NTRK1: variants seen among roughly 807,000 people sequenced by gnomAD.
The protein encoded by NTRK1 is high affinity nerve growth factor receptor.
Under a neutral mutation model 86.8 loss-of-function variants are expected in NTRK1, and 62 were observed. The ratio of observed to expected loss-of-function variants is 0.71; its 90% CI spans 0.58 to 0.88. The LOEUF (loss-of-function observed/expected upper bound fraction) is 0.88. NTRK1 is among the 40% of genes least tolerant of loss of function. NTRK1 has a pLI of 0.00. For synonymous variants in NTRK1, 469 were observed against 456.6 expected, an observed-to-expected ratio of 1.03 and a Z score of -0.35; for missense variants, 967 against 1,078.4, an observed-to-expected ratio of 0.90 and a Z score of 1.45.
At position 156,841,945 on chromosome 1, in the gene NTRK1, C is replaced by T. The variant is rs988965088; in HGVS notation, c.-63-136C>T. On this transcript the variant is annotated intron_variant, in intron 1 of 16. Coordinates refer to the NTRK1 transcript ENST00000392302. ...GCTCAATGGACCTCAGAACTCATCC[C>T]ATCCAAACCCCTCTGCCCTTGGACA... 1.6e-5 allele frequency: 25 copies of T among 1,546,546 alleles called. No individual in the cohort carries two copies. The African/African-American group carries it at 3.4e-4, about 21-fold the overall frequency.
chr1:156,874,199 C>A (rs557207828), intron 8 of NTRK1, 184 bp from the exon 9 acceptor site: 1 of 1,009,892 alleles, frequency 9.9e-7, no homozygotes, highest in Non-Finnish European at 1.5e-6. Context: ...AGCAGGGCAT[C>A]CTGGCCCAGC....
rs1213394245 is a variant in NTRK1 at position 156,848,589 on chromosome 1, G to T, written c.50+6396G>T. On this transcript the variant is annotated intron_variant, in intron 2 of 16. Transcript: ENST00000392302. ...CAAATTAGTGGGCGCTCCCCAAACC[G>T]CTGCTGGGGCAGGAGCGTGTGGTCA... Among the ~76,000 whole-genome samples, 5 of 152,332 alleles carry T rather than the reference G, an allele frequency of 3.3e-5. No homozygotes were observed. The East Asian group carries it at 9.7e-4, about 29-fold the overall frequency.
At chr1:156,852,462 G>T (rs1340203377) in intron 2 of NTRK1, among the ~76,000 whole-genome samples, 2 of 152,206 alleles carry the variant, frequency 1.3e-5, no homozygotes, top group Non-Finnish European at 2.9e-5. Context: ...CATCAGGGTT[G>T]TTGCTCTCCA....
Position 156,852,859 on chromosome 1 carries a change from G to C in NTRK1, c.50+10666G>C, listed in dbSNP as rs557306194. ...CAACAGGGAGGCATCAGGGAGGTGG[G>C]GTGCAGCCGATACAGCAGGGATCTT... On this transcript the variant is annotated intron_variant, in intron 2 of 16. Transcript: ENST00000392302. 3.3e-5 allele frequency among the ~76,000 whole-genome samples: 5 copies of C among 152,252 alleles called. No homozygotes were observed. The South Asian group carries it at 8.3e-4, about 25-fold the overall frequency.
intron 7 of NTRK1, among the ~76,000 whole-genome samples, chr1:156,872,737 G>A (rs1167836627): frequency 9.4e-5 from 14 of 149,238 alleles, no homozygotes; most frequent in African/African-American, 3.5e-4. Flanking sequence ...GTGCAGTGGC[G>A]CGCTCTCGGC....
chr1:156,853,657 C>G, intron 2 of NTRK1: 11 of 1,220,224 alleles, frequency 9.0e-6, no homozygotes, highest in African/African-American at 1.5e-5. Flanking sequence ...ACAGTGGCAG[C>G]TGAAAGTACT....
At chr1:156,836,175 C>T (rs1654594538) in intron 1 of NTRK1, among the ~76,000 whole-genome samples, 1 of 152,112 alleles carries the variant, frequency 6.6e-6, no homozygotes, top group Non-Finnish European at 1.5e-5. Context: ...AGTGGGCCCT[C>T]AGGATGGGAC....
chr1:156,869,889 G>A (rs1647452453), intron 6 of NTRK1, among the ~76,000 whole-genome samples: 1 of 152,228 alleles, frequency 6.6e-6, no homozygotes, highest in Non-Finnish European at 1.5e-5. Context: ...GATATGCAGG[G>A]ACCAGGAATG....
chr1:156,834,446 A>G (rs148110427), intron 1 of NTRK1, among the ~76,000 whole-genome samples: 163 of 152,280 alleles, frequency 1.1e-3, no homozygotes, highest in Admixed American at 4.2e-3. Context: ...GCAATTTAGA[A>G]CTATAGACAG....
intron 2 of NTRK1, chr1:156,848,934 A>T: frequency 6.3e-7 from 1 of 1,580,774 alleles, no homozygotes; most frequent in East Asian, 2.3e-5. Context: ...TCCTTGTAGT[A>T]CACGATGAAG....
chr1:156,830,637 A>C (rs1422474149), intron 1 of NTRK1, among the ~76,000 whole-genome samples: 1 of 146,028 alleles, frequency 6.8e-6, no homozygotes, highest in East Asian at 2.0e-4. Flanking sequence ...GCTCACTGCA[A>C]CCTCCGCCTC....
intron 8 of NTRK1, chr1:156,874,180 C>T (rs1308796701): frequency 6.5e-6 from 6 of 920,804 alleles, no homozygotes; most frequent in East Asian, 2.5e-5. Flanking sequence ...GCTGAGGAGA[C>T]AGCCATGCAG....
At chr1:156,833,939 G>A (rs757278757) in intron 1 of NTRK1, among the ~76,000 whole-genome samples, 2 of 152,086 alleles carry the variant, frequency 1.3e-5, no homozygotes, top group African/African-American at 2.4e-5. Context: ...ACCTCAACTC[G>A]CCTCTTTGTT....
chr1:156,876,295 C>A (rs1647901236), intron 13 of NTRK1, 85 bp downstream of exon 13: 7 of 1,609,956 alleles, frequency 4.3e-6, no homozygotes, highest in Non-Finnish European at 5.9e-6. Flanking sequence ...GGGGGAGATG[C>A]AGAGGGCTGA....
At chr1:156,826,168 C>G (rs1013223246) in intron 1 of NTRK1, among the ~76,000 whole-genome samples, 1 of 152,062 alleles carries the variant, frequency 6.6e-6, no homozygotes, top group African/African-American at 2.4e-5. Context: ...TCCAAAGCCT[C>G]AAACTATTAC....
intron 1 of NTRK1, chr1:156,840,679 C>T: frequency 1.6e-6 from 1 of 608,414 alleles, no homozygotes; most frequent in South Asian, 2.0e-5. Context: ...CCGAGGGACT[C>T]AGAGTCTGAG....
At chr1:156,829,435 G>A (rs184006729) in intron 1 of NTRK1, among the ~76,000 whole-genome samples, 1 of 152,278 alleles carries the variant, frequency 6.6e-6, no homozygotes, top group Admixed American at 6.5e-5. Flanking sequence ...TGGAGTGTCT[G>A]CACAGGTCCC....
Position 156,866,981 on chromosome 1 carries a change from G to A in NTRK1, c.428+3G>A, listed in dbSNP as rs1655964719. 1.9e-6 allele frequency: 3 copies of A among 1,614,216 alleles called. No individual in the cohort carries two copies. Among genetic ancestry groups the A allele is most frequent in the Non-Finnish European group, 2.5e-6 (3 of 1,180,002 alleles). ...CAGGGCCTCTCCTTACAGGAACTGT[G>A]AGTGGGGGCGCTTCCAGGGGCAAGA... is the stretch of plus-strand genomic sequence containing the variant. On this transcript the variant is annotated splice_donor_region_variant and intron_variant, in intron 4 of 16. Transcript: ENST00000524377.
chr1:156,853,719 T>C (rs779058453), intron 2 of NTRK1: 2 of 1,566,766 alleles, frequency 1.3e-6, no homozygotes, highest in East Asian at 2.3e-5. Context: ...GCTCTCTCCC[T>C]TCCCTACATT....
Sources: gnomAD v4.1 joint callset for allele counts (sites outside exome capture counted in the v4.1 genomes callset) on GRCh38, gnomAD v4.1.1 for gene constraint, MANE v1.5 for transcripts, NCBI Gene and HGNC (gene_info 2026-07-23, HGNC 2026-07-21) for gene names.